The following ANKRD36C variants were observed in gnomAD, a reference collection of about 807,000 sequenced individuals.
The protein encoded by ANKRD36C is ankyrin repeat domain-containing protein 36C.
In ANKRD36C, 61 loss-of-function variants were observed where a neutral mutation model predicts 276.4. That is an observed-to-expected ratio of 0.22 (90% CI 0.18 to 0.27). The LOEUF (loss-of-function observed/expected upper bound fraction) is 0.27, where lower values mean the gene tolerates loss of function less well. Among genes scored for constraint, ANKRD36C ranks in the 10% least tolerant of loss-of-function variants. The pLI is 1.00. For synonymous variants in ANKRD36C, 483 were observed against 680.1 expected (o/e 0.71, Z 4.51); for missense variants, 1,447 against 2,032.3 (o/e 0.71, Z 5.54).
chr2:95,963,992 T>A (rs867550119), intron 6 of ANKRD36C, among the ~76,000 whole-genome samples: 4 of 16,626 alleles, frequency 2.4e-4, no homozygotes, highest in Non-Finnish European at 3.8e-4. Flanking sequence ...TATATATATA[T>A]ATATATATAT....
chr2:95,910,258 C>T (rs183334319), intron 42 of ANKRD36C, 115 bp downstream of exon 46: 18 of 1,208,394 alleles, frequency 1.5e-5, no homozygotes, highest in East Asian at 1.4e-4. Flanking sequence ...GAAGAATCTC[C>T]GGCCTGCTGA....
intron 36 of ANKRD36C, among the ~76,000 whole-genome samples, chr2:95,916,501 G>A (rs943889671): frequency 2.0e-5 from 3 of 151,786 alleles, no homozygotes; most frequent in Non-Finnish European, 4.4e-5. Flanking sequence ...TCATACACGT[G>A]AGAATCAACG....
At chr2:95,910,504 T>G in intron 42 of ANKRD36C, 36 bp downstream of exon 45, 1 of 1,604,208 alleles carries the variant, frequency 6.2e-7, no homozygotes, top group South Asian at 1.1e-5. Context: ...AGACCATACA[T>G]TAACTCGTTC....
In ANKRD36C at chr2:95,925,513, A is replaced by G; in HGVS notation, c.1968+6T>C. 1 of 1,550,202 alleles carries G rather than the reference A, an allele frequency of 6.5e-7. No individual in the cohort carries two copies. Among genetic ancestry groups the G allele is most frequent in the Non-Finnish European group, 8.7e-7 (1 of 1,146,800 alleles). Reference sequence around the variant, plus strand: ...TAATTCAAAATATAAATGAAAGAGTAACTACCTTCCAGGCTGATTGTTTCT... The same window carrying G: ...TAATTCAAAATATAAATGAAAGAGTGACTACCTTCCAGGCTGATTGTTTCT... On this transcript the variant is annotated splice_donor_region_variant and intron_variant, in intron 29 of 66. Transcript: ENST00000456556.
At position 95,889,947 on chromosome 2, in the gene ANKRD36C, T is replaced by C. The variant is rs776193838; in HGVS notation, c.2886+19A>G. ...ACTATACAGTTAATAGTTCAAAATA[T>C]AAATGAGAGTTTAATTACCTTCAAG... On this transcript the variant is annotated intron_variant, in intron 47 of 66. Transcript: ENST00000456556. The C allele has an allele frequency of 1.2e-6, 2 of 1,609,832 alleles. No individual in the cohort carries two copies. Among genetic ancestry groups the C allele is most frequent in the Admixed American group, 3.4e-5 (2 of 59,660 alleles).
At chr2:95,850,544 A>G (rs77266837), downstream of ANKRD36C, among the ~76,000 whole-genome samples, 1 of 152,166 alleles carries the variant, frequency 6.6e-6, no homozygotes, top group Admixed American at 6.5e-5. Context: ...GTGGAGCTCC[A>G]TGTAGTCTAG....
At chr2:95,883,395 T>A (rs1185770456) in intron 54 of ANKRD36C, among the ~76,000 whole-genome samples, 1 of 152,162 alleles carries the variant, frequency 6.6e-6, no homozygotes, top group African/African-American at 2.4e-5. Context: ...GCATTTTCAT[T>A]AAATTGCTAT....
chr2:95,917,390 C>A (rs1207130627), intron 36 of ANKRD36C, among the ~76,000 whole-genome samples: 6 of 151,554 alleles, frequency 4.0e-5, no homozygotes, highest in South Asian at 2.1e-4. Context: ...AATCCATCAT[C>A]CTTTGGAAAA....
At chr2:95,975,791 C>T (rs1056345978) in intron 6 of ANKRD36C, among the ~76,000 whole-genome samples, 26 of 152,136 alleles carry the variant, frequency 1.7e-4, no homozygotes, top group South Asian at 4.1e-4. Flanking sequence ...TCTAATTAAA[C>T]GAAAGAGCTT....
At chr2:95,893,871 A>C in intron 44 of ANKRD36C, 147 bp from the exon 63 acceptor site, 1 of 1,397,646 alleles carries the variant, frequency 7.2e-7, no homozygotes. Context: ...GGGGACTAGA[A>C]CATGACAGAA....
intron 44 of ANKRD36C, among the ~76,000 whole-genome samples, chr2:95,896,393 C>T (rs1490103029): frequency 1.3e-5 from 2 of 148,258 alleles, no homozygotes; most frequent in Admixed American, 1.3e-4. Flanking sequence ...TTGAAAATGA[C>T]CATTTTAGGA....
chr2:95,960,642 C>T (rs906453527), exon 9 of ANKRD36C: 1 of 1,294,242 alleles, frequency 7.7e-7, no homozygotes, highest in Admixed American at 2.3e-5. Flanking sequence ...ATAATACCTT[C>T]AAGGCCGGTT....
At chr2:95,917,378 A>T (rs945911735) in intron 36 of ANKRD36C, among the ~76,000 whole-genome samples, 12 of 151,588 alleles carry the variant, frequency 7.9e-5, no homozygotes, top group Admixed American at 7.9e-4. Flanking sequence ...TTCCTGTCTG[A>T]CAATCCATCA....
intron 19 of ANKRD36C, among the ~76,000 whole-genome samples, chr2:95,943,434 G>A (rs1364755305): frequency 1.3e-5 from 2 of 150,502 alleles, no homozygotes; most frequent in African/African-American, 2.4e-5. Context: ...GCAGTGAGCC[G>A]AGATCGCCCA....
chr2:95,882,595 T>A, intron 54 of ANKRD36C, 98 bp from the exon 75 acceptor site: 3 of 1,389,138 alleles, frequency 2.2e-6, no homozygotes, highest in Non-Finnish European at 2.9e-6. Context: ...TCCTCCTGCC[T>A]GTACTAGTGT....
At chr2:95,908,178 T>C (rs532583806) in intron 42 of ANKRD36C, among the ~76,000 whole-genome samples, 3,718 of 148,832 alleles carry the variant, frequency 0.025, 55 homozygotes, top group African/African-American at 0.087. Flanking sequence ...CTATACTTCC[T>C]CTCTTTCTCC....
chr2:95,914,639 C>T (rs1215369164), intron 38 of ANKRD36C, among the ~76,000 whole-genome samples: 1 of 151,480 alleles, frequency 6.6e-6, no homozygotes, highest in Admixed American at 6.6e-5. Flanking sequence ...ACCTGAGAAT[C>T]AATGTCAAAG....
chr2:95,849,652 G>C (rs1310280691), downstream of ANKRD36C, among the ~76,000 whole-genome samples: 2 of 152,216 alleles, frequency 1.3e-5, no homozygotes, highest in Non-Finnish European at 2.9e-5. Context: ...TCCTGAGCTT[G>C]TTTTTCTGTA....
exon 63 of ANKRD36C, chr2:95,855,374 G>C (rs1476353101): frequency 1.2e-6 from 2 of 1,613,042 alleles, no homozygotes; most frequent in Non-Finnish European, 8.5e-7. Context: ...GGTGCTTTCT[G>C]CACTCAGCTT....
Sources: allele counts gnomAD v4.1 joint callset (sites outside exome capture counted in the v4.1 genomes callset), GRCh38; gene constraint gnomAD v4.1.1; transcripts MANE v1.5; gene names NCBI Gene and HGNC (gene_info 2026-07-23, HGNC 2026-07-21).